The following ANXA7 variants were observed in gnomAD, a reference collection of about 807,000 sequenced individuals.
The protein encoded by ANXA7 is annexin VII.
ANXA7 carries 55 observed loss-of-function variants against 64.9 expected under a neutral mutation model. The ratio of observed to expected loss-of-function variants is 0.85; its 90% CI spans 0.68 to 1.06. The LOEUF (loss-of-function observed/expected upper bound fraction) is 1.06, where lower values mean the gene tolerates loss of function less well. Among genes scored for constraint, ANXA7 ranks in the 50% least tolerant of loss-of-function variants. The probability of loss-of-function intolerance (pLI) is 0.00; values close to 1 mark genes in which losing one functional copy is unlikely to be tolerated. For missense variants in ANXA7, 548 were observed against 582.1 expected (o/e 0.94, Z 0.60); for synonymous variants, 200 against 192.4 (o/e 1.04, Z -0.33).
chr10:73,388,868 A>G (rs1023637789), intron 5 of ANXA7, among the ~76,000 whole-genome samples: 6 of 152,214 alleles, frequency 3.9e-5, no homozygotes, highest in Non-Finnish European at 8.8e-5. Flanking sequence ...ATCTCTCTTA[A>G]TTTCCTATAT....
In ANXA7 at chr10:73,391,789, C is replaced by A. The variant is rs917451112; in HGVS notation, c.436-3375G>T. Among the ~76,000 whole-genome samples the A allele has an allele frequency of 3.3e-5, 5 of 152,216 alleles. 1 individual carries two copies. The highest frequency in any genetic ancestry group is 3.3e-4 in the Admixed American group (5 of 15,286). The stretch of plus-strand genomic sequence containing the variant: ...CATACTCAACATCAACCAAAATCTG[C>A]CTGTGGACTTTCAGTGACAAGAAGC... On this transcript the variant is annotated intron_variant, in intron 5 of 12. Transcript: ENST00000372921.
chr10:73,379,787 G>A (rs112157978), intron 11 of ANXA7, 92 bp downstream of exon 11: 39 of 1,253,946 alleles, frequency 3.1e-5, no homozygotes, highest in African/African-American at 1.8e-4. Context: ...CAGATTCCAC[G>A]TGGACTATAT....
chr10:73,376,347 T>A, intron 12 of ANXA7, 130 bp from the exon 13 acceptor site: 2 of 863,618 alleles, frequency 2.3e-6, no homozygotes, highest in Non-Finnish European at 3.3e-6. Flanking sequence ...GACTGACATT[T>A]TATGGCTGGC....
Position 73,398,333 on chromosome 10 carries a change from C to G in ANXA7, c.107G>C (p.Ser36Thr), listed in dbSNP as rs772950620. The change falls in exon 3 of 13, where the codon AGT (serine) becomes ACT (threonine). Residue 36 changes from serine to threonine, a missense_variant. Physicochemically the swap from Ser to Thr is moderately conservative, Grantham distance 58. Coordinates refer to ENST00000372921, the MANE Select transcript of ANXA7 (RefSeq NM_001156.5). ...ACCTCCTCCCATTGGAGGAAAGCCA[C>G]TAGGATAAGGATACTGACCAGAAGG... ...FPPSGQYPYP[S>T]GFPPMGGGAY... 3 of 1,613,950 alleles carry G rather than the reference C, an allele frequency of 1.9e-6. No individual in the cohort carries two copies. The highest frequency in any genetic ancestry group is 2.5e-6 in the Non-Finnish European group (3 of 1,180,030).
chr10:73,387,545 G>C, intron 7 of ANXA7, 144 bp downstream of exon 7: 1 of 590,360 alleles, frequency 1.7e-6, no homozygotes, highest in Non-Finnish European at 2.8e-6. Context: ...ACAGAAATAG[G>C]GAATACAGTA....
intron 3 of ANXA7, among the ~76,000 whole-genome samples, chr10:73,397,659 T>C (rs2055597860): frequency 1.3e-5 from 2 of 152,114 alleles, no homozygotes; most frequent in Non-Finnish European, 2.9e-5. Flanking sequence ...GGTTTCACCA[T>C]GTTGGCCAAG....
intron 1 of ANXA7, 111 bp from the exon 2 acceptor site, chr10:73,400,968 G>A (rs550581962): frequency 3.2e-5 from 27 of 837,998 alleles, no homozygotes; most frequent in Middle Eastern, 8.4e-4. Context: ...GTGCAGTGGC[G>A]TGATTTTGGC....
chr10:73,394,824 C>A (rs921078571), intron 5 of ANXA7, among the ~76,000 whole-genome samples: 4 of 151,934 alleles, frequency 2.6e-5, no homozygotes, highest in African/African-American at 9.7e-5. Context: ...CAAACTTGCA[C>A]GTTGTGCACA....
In ANXA7 at chr10:73,409,171, G is replaced by T. The variant is rs187610541; in HGVS notation, c.-2+4841C>A. On this transcript the variant is annotated intron_variant, in intron 1 of 12. Coordinates refer to ENST00000372921, the MANE Select transcript of ANXA7 (RefSeq NM_001156.5). ...TAGTTCTGGAAGTATTAGCCAGAGG[G>T]AAAGTAGGGGAAAGCAATAAAGTGT... Among the ~76,000 whole-genome samples, 39 of 152,248 alleles carry T rather than the reference G, an allele frequency of 2.6e-4. 1 individual carries two copies. In the East Asian group the frequency reaches 6.7e-3, roughly 26 times the overall value.
At chr10:73,378,028 A>C (rs182148380) in intron 12 of ANXA7, among the ~76,000 whole-genome samples, 7 of 150,750 alleles carry the variant, frequency 4.6e-5, no homozygotes, top group Admixed American at 4.6e-4. Context: ...TTGGCCTCCC[A>C]AACTGCTGAG....
intron 1 of ANXA7, among the ~76,000 whole-genome samples, 152 bp from the exon 2 acceptor site, chr10:73,401,009 G>A (rs542352660): frequency 1.2e-4 from 18 of 152,200 alleles, no homozygotes; most frequent in African/African-American, 3.4e-4. Context: ...GGGTTCAAGC[G>A]ATTCTCCTGC....
chr10:73,392,761 A>C (rs1011282003), intron 5 of ANXA7, among the ~76,000 whole-genome samples: 5 of 152,152 alleles, frequency 3.3e-5, no homozygotes, highest in African/African-American at 9.7e-5. Context: ...AATGGGCAAA[A>C]ACTGGAAGCA....
At chr10:73,377,826 C>CGTGTGTGTGT (rs58404250) in intron 12 of ANXA7, among the ~76,000 whole-genome samples, 8 of 122,590 alleles carry the variant, frequency 6.5e-5, no homozygotes, top group South Asian at 5.9e-4. Context: ...TAGGTTTCAC[C>CGTGTGTGTGT]GTGTGTGTGT....
chr10:73,404,145 T>C (rs560702507), intron 1 of ANXA7, among the ~76,000 whole-genome samples: 34 of 152,342 alleles, frequency 2.2e-4, no homozygotes, highest in Admixed American at 7.8e-4. Context: ...ATTTTAAAAT[T>C]AGAATGCTTT....
chr10:73,402,252 A>C (rs1169475427), intron 1 of ANXA7, among the ~76,000 whole-genome samples: 1 of 152,158 alleles, frequency 6.6e-6, no homozygotes, highest in Non-Finnish European at 1.5e-5. Flanking sequence ...ATAGTGGCAC[A>C]ATCACAGCTT....
chr10:73,396,631 G>A (rs981364429), intron 4 of ANXA7, 48 bp from the exon 5 acceptor site: 2 of 1,287,248 alleles, frequency 1.6e-6, no homozygotes, highest in Non-Finnish European at 2.2e-6. Flanking sequence ...GGTCTTACAT[G>A]TTTTAATTTT....
intron 11 of ANXA7, among the ~76,000 whole-genome samples, chr10:73,379,425 T>C (rs1175552593): frequency 6.6e-6 from 1 of 152,254 alleles, no homozygotes; most frequent in African/African-American, 2.4e-5. Flanking sequence ...ATCTGTGTAT[T>C]AGACCACCAG....
At chr10:73,391,023 C>A (rs981246571) in intron 5 of ANXA7, among the ~76,000 whole-genome samples, 5 of 149,566 alleles carry the variant, frequency 3.3e-5, no homozygotes, top group Admixed American at 1.3e-4. Flanking sequence ...TACAAAAATG[C>A]TGGGCGTGGT....
intron 1 of ANXA7, among the ~76,000 whole-genome samples, chr10:73,406,034 C>A (rs1267400385): frequency 6.6e-6 from 1 of 151,890 alleles, no homozygotes; most frequent in East Asian, 1.9e-4. Context: ...CGGCTCACTG[C>A]AGCTTCCACC....
Sources: allele counts gnomAD v4.1 joint callset (sites outside exome capture counted in the v4.1 genomes callset), GRCh38; gene constraint gnomAD v4.1.1; transcripts MANE v1.5; gene names NCBI Gene and HGNC (gene_info 2026-07-23, HGNC 2026-07-21).